The following TAF3 variants were observed in gnomAD, a reference collection of about 807,000 sequenced individuals.
The protein encoded by TAF3 is transcription initiation factor TFIID subunit 3.
A neutral mutation model predicts 80.6 loss-of-function variants in TAF3; 7 were observed. That is an observed-to-expected ratio of 0.09 (90% CI 0.05 to 0.16). TAF3 has a LOEUF of 0.16. Among genes scored for constraint, TAF3 ranks in the 10% least tolerant of loss-of-function variants. The pLI is 1.00. For missense variants in TAF3, 921 were observed against 1,140.2 expected, an observed-to-expected ratio of 0.81 and a Z score of 2.77; for synonymous variants, 444 against 446.1, an observed-to-expected ratio of 1.00 and a Z score of 0.06.
At chr10:7,846,084 A>G (rs1249115042) in intron 2 of TAF3, among the ~76,000 whole-genome samples, 2 of 149,474 alleles carry the variant, frequency 1.3e-5, no homozygotes, top group Non-Finnish European at 3.0e-5. Flanking sequence ...TCAGCCTCCC[A>G]AGTAGCTGGG....
Position 8,015,645 on chromosome 10 carries a change from GA to G in TAF3, c.*899del, listed in dbSNP as rs1459301170. ...GACGCTGGACAGAAACAAGGCTAGAGAAAAAGCCATCGTTCAAAGAAATTTC... is the reference window on the plus strand; with the variant it reads ...GACGCTGGACAGAAACAAGGCTAGAGAAAAGCCATCGTTCAAAGAAATTTC... On this transcript the variant is annotated 3_prime_UTR_variant, in exon 7 of 7. Coordinates refer to ENST00000344293, the MANE Select transcript of TAF3 (RefSeq NM_031923.4). 2 of 152,130 alleles carry G rather than the reference GA, an allele frequency of 1.3e-5. No homozygotes were observed. The highest frequency in any genetic ancestry group is 4.8e-5 in the African/African-American group (2 of 41,428). 9.4% of individuals were successfully genotyped at this position (152,130 alleles called of 1,614,324 possible).
intron 2 of TAF3, among the ~76,000 whole-genome samples, chr10:7,828,809 G>A (rs1387484276): frequency 6.6e-6 from 1 of 151,974 alleles, no homozygotes; most frequent in South Asian, 2.1e-4. Flanking sequence ...CGAGGTGGGC[G>A]GATCACTTGA....
At chr10:7,915,419 T>C (rs7080680) in intron 2 of TAF3, among the ~76,000 whole-genome samples, 83,105 of 141,692 alleles carry the variant, frequency 0.59, 25,046 homozygotes, top group Admixed American at 0.72. Flanking sequence ...CCGAGACGGG[T>C]GGATCACGAG....
intron 2 of TAF3, among the ~76,000 whole-genome samples, chr10:7,845,597 T>C (rs1240688795): frequency 6.6e-6 from 1 of 152,216 alleles, no homozygotes; most frequent in Admixed American, 6.5e-5. Context: ...AATATTTTTA[T>C]CTTAAATGCT....
chr10:7,849,403 A>G (rs1189472994), intron 2 of TAF3, among the ~76,000 whole-genome samples: 2 of 152,220 alleles, frequency 1.3e-5, no homozygotes, highest in East Asian at 1.9e-4. Flanking sequence ...TATTTGGGAT[A>G]TGTTATGCCA....
Position 7,977,265 on chromosome 10 carries a change from G to A in TAF3, c.2257G>A (p.Ala753Thr). Residue 753 changes from alanine (A) to threonine (T), a missense_variant, in exon 4 of 7, where the codon GCC (alanine) becomes ACC (threonine). Physicochemically the swap from Ala to Thr is moderately conservative, Grantham distance 58 (BLOSUM62 0). This residue lies in a region of TAF3 where 743 missense variants were observed against 821.0 expected (regional missense o/e 0.90). Transcript: ENST00000344293. ...GATAAAAGTGGAACCAGTCGCTCTG[G>A]CCCCGAGTCCAGTTATCCCCAGATT... ...EKIKVEPVAL[A>T]PSPVIPRLTL... The A allele has an allele frequency of 6.2e-7, 1 of 1,614,116 alleles. No homozygotes were observed. The highest frequency in any genetic ancestry group is 8.5e-7 in the Non-Finnish European group (1 of 1,180,016).
At position 7,940,633 on chromosome 10, in the gene TAF3, A is replaced by G. The variant is rs184690326; in HGVS notation, c.410-23287A>G. On this transcript the variant is annotated intron_variant, in intron 2 of 6. Transcript: ENST00000344293. ...TTATTTGAGACAGTTCTTGTAAAGTAGATAAGAAAAAAAGCATTCCAGTTA... is the reference window on the plus strand; with the variant it reads ...TTATTTGAGACAGTTCTTGTAAAGTGGATAAGAAAAAAAGCATTCCAGTTA... 7.4e-4 allele frequency among the ~76,000 whole-genome samples: 112 copies of G among 152,334 alleles called. 1 individual carries two copies. The highest frequency in any genetic ancestry group is 1.3e-3 in the Admixed American group (20 of 15,304).
In TAF3 at chr10:8,008,954, G is replaced by T. The variant is rs76960858; in HGVS notation, c.2316-124G>T. On this transcript the variant is annotated intron_variant, in intron 4 of 6. Transcript: ENST00000344293. ...GGGCCTGGAACTCAGTTCTTGAGCT[G>T]CCTCTAGACGTTGAAGTATTTCGCT... 25,301 of 1,349,576 alleles carry T rather than the reference G, an allele frequency of 0.019. 343 individuals are homozygous for T. Among genetic ancestry groups the T allele is most frequent in the South Asian group, 0.048 (4,027 of 83,774 alleles). 83.6% of individuals were successfully genotyped at this position (1,349,576 alleles called of 1,614,324 possible).
At chr10:7,883,595 T>A (rs1164456640) in intron 2 of TAF3, among the ~76,000 whole-genome samples, 2 of 152,258 alleles carry the variant, frequency 1.3e-5, no homozygotes, top group African/African-American at 4.8e-5. Flanking sequence ...TATCATCCAT[T>A]GGTGATCTTT....
chr10:7,994,105 T>G (rs2131430139), intron 4 of TAF3, among the ~76,000 whole-genome samples: 1 of 150,606 alleles, frequency 6.6e-6, no homozygotes, highest in Non-Finnish European at 1.5e-5. Flanking sequence ...CCTTCTTCTT[T>G]CTCTTTCTCT....
At chr10:7,959,163 CAAAA>C (rs749821969) in intron 2 of TAF3, among the ~76,000 whole-genome samples, 3 of 96,238 alleles carry the variant, frequency 3.1e-5, no homozygotes, top group East Asian at 5.3e-4. Flanking sequence ...CACACACACA[CAAAA>C]AAAGTTTCAG....
intron 2 of TAF3, among the ~76,000 whole-genome samples, chr10:7,930,021 G>A (rs1018241815): frequency 1.9e-4 from 29 of 152,158 alleles, no homozygotes; most frequent in Non-Finnish European, 3.2e-4. Flanking sequence ...GGGCACGATA[G>A]GGAGGCCCTG....
rs1212337471 is a variant in TAF3 at position 7,976,425 on chromosome 10, T to A, written c.2233-816T>A. On this transcript the variant is annotated intron_variant, in intron 3 of 6. Transcript: ENST00000344293. ...CCATGACTGGCTAATTTTTTTTTTT[T>A]TTTTTTTGAGACGGAGTCTCGCTGT... Among the ~76,000 whole-genome samples the A allele has an allele frequency of 2.0e-5, 3 of 150,508 alleles. No individual in the cohort carries two copies. In the East Asian group the frequency reaches 5.8e-4, roughly 29 times the overall value.
chr10:7,822,231 T>C (rs1366826512), intron 1 of TAF3, among the ~76,000 whole-genome samples: 1 of 141,134 alleles, frequency 7.1e-6, no homozygotes, highest in African/African-American at 2.6e-5. Flanking sequence ...GAAAAAAATC[T>C]GAAATCATGG....
chr10:7,982,625 C>T (rs557848467), intron 4 of TAF3, among the ~76,000 whole-genome samples: 210 of 152,310 alleles, frequency 1.4e-3, no homozygotes, highest in Non-Finnish European at 2.3e-3. Context: ...GTCTCAAACT[C>T]CTAACCTCCG....
chr10:7,907,053 G>A (rs532335758), intron 2 of TAF3, among the ~76,000 whole-genome samples: 13 of 152,200 alleles, frequency 8.5e-5, no homozygotes, highest in Middle Eastern at 3.4e-3. Flanking sequence ...GACAGTGTTC[G>A]TAGGGCCACC....
At chr10:7,906,479 T>C (rs2131175855) in intron 2 of TAF3, among the ~76,000 whole-genome samples, 1 of 152,220 alleles carries the variant, frequency 6.6e-6, no homozygotes, top group East Asian at 1.9e-4. Flanking sequence ...ATTCTAAACC[T>C]CTCTTCTTTC....
intron 2 of TAF3, among the ~76,000 whole-genome samples, chr10:7,826,989 ACAGACAGGC>A (rs994766022): frequency 5.9e-5 from 9 of 152,194 alleles, no homozygotes; most frequent in Non-Finnish European, 1.3e-4. Context: ...CTTAAGAGCC[ACAGACAGGC>A]CAGACTTTGG....
intron 2 of TAF3, among the ~76,000 whole-genome samples, chr10:7,852,539 C>T (rs1294196516): frequency 1.3e-5 from 2 of 152,092 alleles, no homozygotes; most frequent in African/African-American, 2.4e-5. Context: ...TCACGTGGTC[C>T]TCTGTTTATC....
Sources: gnomAD v4.1 joint callset for allele counts (sites outside exome capture counted in the v4.1 genomes callset) on GRCh38, gnomAD v4.1.1 for gene constraint, gnomAD v4.1.1 regional missense constraint, MANE v1.5 for transcripts, NCBI Gene and HGNC (gene_info 2026-07-23, HGNC 2026-07-21) for gene names.